The following CACNG2 variants were observed in gnomAD, a reference collection of about 807,000 sequenced individuals.
CACNG2 encodes calcium voltage-gated channel auxiliary subunit gamma 2, also known as voltage-dependent calcium channel gamma-2 subunit.
In CACNG2, 3 loss-of-function variants were observed where a neutral mutation model predicts 25.9. The ratio of observed to expected loss-of-function variants is 0.12; its 90% CI spans 0.05 to 0.30. CACNG2 has a LOEUF of 0.30. CACNG2 is among the 10% of genes least tolerant of loss of function. The probability of loss-of-function intolerance (pLI) is 1.00; values close to 1 mark genes in which losing one functional copy is unlikely to be tolerated. For synonymous variants in CACNG2, 167 were observed against 173.3 expected, an observed-to-expected ratio of 0.96 and a Z score of 0.29; for missense variants, 341 against 432.5, an observed-to-expected ratio of 0.79 and a Z score of 1.88.
intron 1 of CACNG2, among the ~76,000 whole-genome samples, chr22:36,629,076 A>C (rs1438060117): frequency 2.0e-5 from 3 of 152,180 alleles, no homozygotes; most frequent in African/African-American, 7.2e-5. Flanking sequence ...TGATTCAGAG[A>C]AGTGTTTGCT....
At chr22:36,636,415 G>A (rs1056092040) in intron 1 of CACNG2, among the ~76,000 whole-genome samples, 3 of 152,124 alleles carry the variant, frequency 2.0e-5, no homozygotes, top group Non-Finnish European at 4.4e-5. Flanking sequence ...AGGTTCCCCC[G>A]GGACCAGCTT....
chr22:36,662,124 A>G (rs1490382327), intron 1 of CACNG2, among the ~76,000 whole-genome samples: 3 of 151,716 alleles, frequency 2.0e-5, no homozygotes. Flanking sequence ...GATTATAGGC[A>G]CACACCACCA....
intron 1 of CACNG2, among the ~76,000 whole-genome samples, chr22:36,642,946 A>T (rs1936461600): frequency 6.6e-6 from 1 of 152,194 alleles, no homozygotes; most frequent in Admixed American, 6.5e-5. Flanking sequence ...GCCATGAAAC[A>T]GTTGTGTGGT....
intron 1 of CACNG2, among the ~76,000 whole-genome samples, chr22:36,672,311 A>G (rs1936963005): frequency 6.6e-6 from 1 of 151,962 alleles, no homozygotes; most frequent in Middle Eastern, 3.2e-3. Context: ...TGCACACCAT[A>G]CCACCTGGCT....
intron 1 of CACNG2, among the ~76,000 whole-genome samples, chr22:36,607,549 G>T (rs1352330727): frequency 6.6e-6 from 1 of 152,130 alleles, no homozygotes; most frequent in Non-Finnish European, 1.5e-5. Flanking sequence ...TGGTCCCCTT[G>T]GTCCATTTTA....
intron 1 of CACNG2, among the ~76,000 whole-genome samples, chr22:36,604,301 A>G (rs768566719): frequency 3.3e-5 from 5 of 152,230 alleles, no homozygotes; most frequent in Non-Finnish European, 5.9e-5. Flanking sequence ...ATAAGCAAAG[A>G]AAGTGGTTTC....
intron 1 of CACNG2, among the ~76,000 whole-genome samples, chr22:36,605,680 A>T (rs889947883): frequency 2.0e-4 from 31 of 152,374 alleles, no homozygotes; most frequent in Non-Finnish European, 3.2e-4. Flanking sequence ...AGGGCTCAGC[A>T]CAGTGGCTGT....
chr22:36,594,409 T>C (rs747988334), intron 1 of CACNG2, among the ~76,000 whole-genome samples: 3 of 152,244 alleles, frequency 2.0e-5, no homozygotes, highest in Non-Finnish European at 4.4e-5. Flanking sequence ...CCACGCTCCA[T>C]GCAACCTGCT....
intron 2 of CACNG2, among the ~76,000 whole-genome samples, chr22:36,571,263 C>T (rs1432925801): frequency 6.6e-6 from 1 of 151,822 alleles, no homozygotes; most frequent in Non-Finnish European, 1.5e-5. Flanking sequence ...TCGAGACCAA[C>T]CTGGCCAGCA....
intron 1 of CACNG2, among the ~76,000 whole-genome samples, chr22:36,613,671 A>G (rs1165232698): frequency 6.6e-6 from 1 of 151,910 alleles, no homozygotes; most frequent in Non-Finnish European, 1.5e-5. Flanking sequence ...TTTCACTTAC[A>G]TACTGATGAC....
chr22:36,665,336 C>T (rs1487761728), intron 1 of CACNG2, among the ~76,000 whole-genome samples: 2 of 152,116 alleles, frequency 1.3e-5, no homozygotes, highest in African/African-American at 2.4e-5. Context: ...CGTCCCTTTC[C>T]TCATCTCCAA....
chr22:36,628,020 T>C (rs1460950837), intron 1 of CACNG2, among the ~76,000 whole-genome samples: 5 of 152,216 alleles, frequency 3.3e-5, no homozygotes, highest in African/African-American at 1.2e-4. Flanking sequence ...ATAATATACA[T>C]ATATGTACAT....
intron 1 of CACNG2, among the ~76,000 whole-genome samples, chr22:36,591,220 A>T (rs111342462): frequency 0.086 from 12,929 of 150,722 alleles, 1,069 homozygotes; most frequent in African/African-American, 0.22. Flanking sequence ...TTTTTGTATT[A>T]TTTGTAGAGA....
chr22:36,702,703 T>C lies in CACNG2; in HGVS notation c.-127A>G. 2 of 694,136 alleles carry C rather than the reference T, an allele frequency of 2.9e-6. No homozygotes were observed. The highest frequency in any genetic ancestry group is 5.1e-6 in the Non-Finnish European group (2 of 392,856). The allele number at this position is 694,136 out of a possible 1,614,324, so 43.0% of individuals were successfully genotyped here. On this transcript the variant is annotated 5_prime_UTR_variant, in exon 1 of 4. In the 5' UTR this introduces an upstream ATG that the reference lacks. Transcript: ENST00000300105. The stretch of plus-strand genomic sequence containing the variant: ...TATTCCACTACTAATATAATGGATA[T>C]ATGTATGAATAGAGAATATGGAGAG...
chr22:36,614,516 C>G (rs1347112178), intron 1 of CACNG2, among the ~76,000 whole-genome samples: 1 of 152,210 alleles, frequency 6.6e-6, no homozygotes, highest in African/African-American at 2.4e-5. Context: ...CCTGTCTCCT[C>G]CACTGGTGTG....
intron 2 of CACNG2, among the ~76,000 whole-genome samples, chr22:36,580,451 G>A (rs1935396043): frequency 6.6e-6 from 1 of 152,100 alleles, no homozygotes; most frequent in Non-Finnish European, 1.5e-5. Context: ...GGGGAGCTGA[G>A]TGGGGGCATC....
chr22:36,632,516 CT>C (rs1257952495), intron 1 of CACNG2, among the ~76,000 whole-genome samples: 12 of 149,982 alleles, frequency 8.0e-5, no homozygotes, highest in Middle Eastern at 3.4e-3. Context: ...TCTCTTCCCC[CT>C]TCTCTCTCTC....
In CACNG2 at chr22:36,606,564, C is replaced by A. The variant is rs1324476063; in HGVS notation, c.212-19016G>T. Among the ~76,000 whole-genome samples the A allele has an allele frequency of 2.0e-5, 3 of 150,682 alleles. No individual in the cohort carries two copies. Among genetic ancestry groups the A allele is most frequent in the Non-Finnish European group, 4.4e-5 (3 of 67,786 alleles). ...GTGCATGGCATAATCTGGGTACTGG[C>A]AGGTTGTCAGGAAGGCTTCCTGGAA... On this transcript the variant is annotated intron_variant, in intron 1 of 3. Coordinates refer to ENST00000300105, the MANE Select transcript of CACNG2 (RefSeq NM_006078.5). This position sits in a 1 kb window ranked among gnomAD's most constrained non-coding sequence, Gnocchi z 5.7.
At chr22:36,686,309 C>T (rs1304560221) in intron 1 of CACNG2, among the ~76,000 whole-genome samples, 2 of 152,144 alleles carry the variant, frequency 1.3e-5, no homozygotes, top group Non-Finnish European at 2.9e-5. Context: ...AGGAGATGAC[C>T]CTGTCACAGA....
Sources: allele counts gnomAD v4.1 joint callset (sites outside exome capture counted in the v4.1 genomes callset), GRCh38; gene constraint gnomAD v4.1.1; non-coding constraint Gnocchi (gnomAD v3.1); transcripts MANE v1.5; gene names NCBI Gene and HGNC (gene_info 2026-07-23, HGNC 2026-07-21).